The following MICAL2 variants were observed in gnomAD, a reference collection of about 807,000 sequenced individuals.
MICAL2 encodes the protein microtubule associated monooxygenase, calponin and LIM domain containing 2.
In MICAL2, 77 loss-of-function variants were observed where a neutral mutation model predicts 127.3. The ratio of observed to expected loss-of-function variants is 0.60; its 90% confidence interval spans 0.50 to 0.73. The LOEUF is 0.73. Among genes scored for constraint, MICAL2 ranks in the 30% least tolerant of loss-of-function variants. The pLI is 0.00. For missense variants in MICAL2, 1,351 were observed against 1,434.4 expected, an observed-to-expected ratio of 0.94 and a Z score of 0.94; for synonymous variants, 570 against 551.1, an observed-to-expected ratio of 1.03 and a Z score of -0.48.
At chr11:12,262,604 C>A in intron 27 of MICAL2, 67 bp downstream of exon 27, 2 of 1,318,152 alleles carry the variant, frequency 1.5e-6, no homozygotes, top group Non-Finnish European at 2.2e-6. Flanking sequence ...CGCACCCCGT[C>A]CTCTCCGCCA....
At chr11:12,138,551 A>G (rs1852041038) in intron 2 of MICAL2, 91 bp downstream of exon 2, 1 of 152,226 alleles carries the variant, frequency 6.6e-6, no homozygotes, top group Admixed American at 6.5e-5. Flanking sequence ...TGTTCCCACC[A>G]TCCTGGGGCA....
intron 32 of MICAL2, among the ~76,000 whole-genome samples, chr11:12,337,759 T>C (rs1017488067): frequency 9.2e-5 from 14 of 152,004 alleles, no homozygotes; most frequent in East Asian, 5.8e-4. Context: ...TGTAGTTGAG[T>C]GGTTTTGAGT....
At chr11:12,354,846 T>C (rs747192096) in exon 34 of MICAL2, 2 of 1,613,742 alleles carry the variant, frequency 1.2e-6, no homozygotes, top group South Asian at 2.2e-5. Flanking sequence ...AGAGAGAAAA[T>C]GCTCAAGGAG....
chr11:12,265,312 A>G (rs138145114), downstream of MICAL2, among the ~76,000 whole-genome samples: 1 of 152,220 alleles, frequency 6.6e-6, no homozygotes, highest in Non-Finnish European at 1.5e-5. Context: ...CATTCTACAT[A>G]CATAGTTTTG....
chr11:12,193,775 G>T (rs1277582875), intron 3 of MICAL2, among the ~76,000 whole-genome samples: 3 of 152,342 alleles, frequency 2.0e-5, no homozygotes, highest in Non-Finnish European at 4.4e-5. Flanking sequence ...CACATACTGT[G>T]TGAGGTGACC....
At chr11:12,182,200 G>C (rs139841875) in intron 3 of MICAL2, among the ~76,000 whole-genome samples, 70 of 152,298 alleles carry the variant, frequency 4.6e-4, no homozygotes, top group South Asian at 2.9e-3. Flanking sequence ...TTCTGAGAAG[G>C]TGTCCATAGG....
chr11:12,190,907 A>AC (rs1428331917), intron 3 of MICAL2, among the ~76,000 whole-genome samples: 1 of 152,266 alleles, frequency 6.6e-6, no homozygotes, highest in East Asian at 1.9e-4. Context: ...TTAATAAGAT[A>AC]ATATATGTAA....
intron 6 of MICAL2, among the ~76,000 whole-genome samples, chr11:12,212,982 C>T (rs1855688341): frequency 1.3e-5 from 2 of 152,184 alleles, no homozygotes; most frequent in African/African-American, 2.4e-5. Flanking sequence ...TACAAGGGTA[C>T]ACCCTGTGAC....
At chr11:12,155,222 A>T (rs1397186318) in intron 2 of MICAL2, among the ~76,000 whole-genome samples, 1 of 152,220 alleles carries the variant, frequency 6.6e-6, no homozygotes, top group Non-Finnish European at 1.5e-5. Context: ...ACAGATGAAG[A>T]TATGGAGTGC....
At chr11:12,297,479 G>A (rs919387905) in intron 29 of MICAL2, among the ~76,000 whole-genome samples, 8 of 151,940 alleles carry the variant, frequency 5.3e-5, no homozygotes, top group Non-Finnish European at 1.2e-4. Context: ...TCTTGTTTGT[G>A]CTTGACTTTA....
chr11:12,337,089 T>A (rs187550799), intron 32 of MICAL2, among the ~76,000 whole-genome samples: 2 of 152,114 alleles, frequency 1.3e-5, no homozygotes, highest in Non-Finnish European at 2.9e-5. Flanking sequence ...GTCCTGGACT[T>A]GTTTTGGTTG....
chr11:12,317,132 T>C (rs544480975), intron 29 of MICAL2, among the ~76,000 whole-genome samples: 16 of 152,324 alleles, frequency 1.1e-4, no homozygotes, highest in African/African-American at 3.6e-4. Flanking sequence ...TTTCTTCTTT[T>C]CATAGCTCCC....
In MICAL2 at chr11:12,189,302, GTTTTGT is replaced by G. The variant is rs559589511; in HGVS notation, c.265-14930_265-14925del. On this transcript the variant is annotated intron_variant, in intron 3 of 27. Coordinates refer to ENST00000683283, the MANE Select transcript of MICAL2 (RefSeq NM_001282663.2). ...GCTCAGGAACCTTGATGTTTTTTTT[GTTTTGT>G]TTTTGTTTTTGTTTTTGCTAAAGTG... Among the ~76,000 whole-genome samples, 43 of 151,968 alleles carry G rather than the reference GTTTTGT, an allele frequency of 2.8e-4. No homozygotes were observed. In the South Asian group the frequency reaches 5.6e-3, roughly 20 times the overall value.
intron 18 of MICAL2, among the ~76,000 whole-genome samples, chr11:12,241,848 A>C (rs1860007334): frequency 6.6e-6 from 1 of 152,186 alleles, no homozygotes; most frequent in South Asian, 2.1e-4. Flanking sequence ...ACTTTTAAAA[A>C]ACTACCAATG....
intron 29 of MICAL2, among the ~76,000 whole-genome samples, chr11:12,307,456 C>A (rs754878737): frequency 6.6e-6 from 1 of 152,180 alleles, no homozygotes; most frequent in African/African-American, 2.4e-5. Flanking sequence ...TTGATTTTTT[C>A]TTTTATAATT....
rs776677527 is a variant in MICAL2, at chr11:12,236,243, G to A, written c.2062G>A (p.Glu688Lys). 1.4e-5 allele frequency: 22 copies of A among 1,613,984 alleles called. No individual in the cohort carries two copies. Among genetic ancestry groups the A allele is most frequent in the East Asian group, 8.9e-5 (4 of 44,898 alleles). Residue 688 changes from glutamate (E) to lysine (K), a missense_variant and splice_region_variant, in exon 16 of 28, where the codon GAG (glutamate) becomes AAG (lysine). This residue lies in a region of MICAL2 where 752 missense variants were observed against 719.4 expected (regional missense o/e 1.05). Transcript: ENST00000683283. ...ACGGAAGGGCTTCACCAACCTGGAC[G>A]AGGTTTGTGTACACAGTGTGGCTTT... is the stretch of plus-strand genomic sequence containing the variant. ...RRRKGFTNLD[E>K]PSNFSSRSLG...
upstream of MICAL2, among the ~76,000 whole-genome samples, chr11:12,274,892 T>C (rs1863707952): frequency 6.6e-6 from 1 of 151,930 alleles, no homozygotes; most frequent in South Asian, 2.1e-4. Flanking sequence ...CCCTGGCTGC[T>C]GTGTTGAGAA....
At chr11:12,130,359 GC>G (rs1294798683) in intron 1 of MICAL2, among the ~76,000 whole-genome samples, 3 of 152,106 alleles carry the variant, frequency 2.0e-5, no homozygotes, top group Non-Finnish European at 4.4e-5. Context: ...CTGGAGCCTG[GC>G]CAGGGGCCTG....
intron 26 of MICAL2, chr11:12,260,108 C>T: frequency 1.3e-6 from 2 of 1,536,158 alleles, no homozygotes; most frequent in Non-Finnish European, 1.7e-6. Context: ...TACAGGGAAT[C>T]TGAGGGCTCC....
Sources: gnomAD v4.1 joint callset for allele counts (sites outside exome capture counted in the v4.1 genomes callset) on GRCh38, gnomAD v4.1.1 for gene constraint, gnomAD v4.1.1 regional missense constraint, MANE v1.5 for transcripts, NCBI Gene and HGNC (gene_info 2026-07-23, HGNC 2026-07-21) for gene names.